JMJD1C: variants seen among roughly 807,000 people sequenced by gnomAD.
JMJD1C encodes the protein jumonji domain-containing protein 1C.
JMJD1C carries 31 observed loss-of-function variants against 245.3 expected under a neutral mutation model. The observed-to-expected ratio is 0.13, with a 90% CI of 0.09 to 0.17. The LOEUF is 0.17. Ranked by LOEUF, JMJD1C falls within the 10% of genes least tolerant of loss-of-function variation. JMJD1C has a pLI of 1.00. For missense variants in JMJD1C, 2,691 were observed against 3,000.2 expected, an observed-to-expected ratio of 0.90 and a Z score of 2.41; for synonymous variants, 1,057 against 1,017.4, an observed-to-expected ratio of 1.04 and a Z score of -0.74.
chr10:63,464,677 G>A (rs1182212846), intron 1 of JMJD1C, among the ~76,000 whole-genome samples: 1 of 147,906 alleles, frequency 6.8e-6, no homozygotes, highest in Non-Finnish European at 1.5e-5. Context: ...GAAAGCACTG[G>A]CAGCGTCACA....
intron 1 of JMJD1C, among the ~76,000 whole-genome samples, chr10:63,446,935 TAG>T (rs1207814832): frequency 6.6e-6 from 1 of 152,138 alleles, no homozygotes; most frequent in Non-Finnish European, 1.5e-5. Context: ...CCTTACAAAC[TAG>T]AGATTCCAGT....
intron 24 of JMJD1C, among the ~76,000 whole-genome samples, chr10:63,173,241 G>A (rs547632814): frequency 2.0e-5 from 3 of 152,166 alleles, no homozygotes; most frequent in South Asian, 2.1e-4. Flanking sequence ...ATTGAACCTC[G>A]CTCCATACTA....
At chr10:63,248,696 T>C (rs1038818486) in intron 3 of JMJD1C, among the ~76,000 whole-genome samples, 1 of 152,072 alleles carries the variant, frequency 6.6e-6, no homozygotes, top group Non-Finnish European at 1.5e-5. Context: ...ACTAAAAATA[T>C]AACTATGATC....
rs148213069 is a variant in JMJD1C, at chr10:63,463,551, G to C, written c.168+1944C>G. Among the ~76,000 whole-genome samples, 1,315 of 152,178 alleles carry C rather than the reference G, an allele frequency of 8.6e-3. 11 individuals carry two copies. The highest frequency in any genetic ancestry group is 0.044 in the Middle Eastern group (13 of 294). On this transcript the variant is annotated intron_variant, in intron 1 of 25. Coordinates refer to ENST00000399262, the MANE Select transcript of JMJD1C (RefSeq NM_032776.3). ...TTATGTTAATGCTAAACTGTTCCAA[G>C]TTTCGTTTAAGAAATGTGAATGTAA...
intron 2 of JMJD1C, among the ~76,000 whole-genome samples, chr10:63,317,153 G>A (rs1940183307): frequency 6.6e-6 from 1 of 151,940 alleles, no homozygotes; most frequent in African/African-American, 2.4e-5. Flanking sequence ...GAGACACCAT[G>A]CCCAGTCAGC....
chr10:63,251,710 CT>C (rs1330079772), intron 3 of JMJD1C, among the ~76,000 whole-genome samples: 1 of 152,212 alleles, frequency 6.6e-6, no homozygotes, highest in African/African-American at 2.4e-5. Flanking sequence ...CACATAAATA[CT>C]TTGCTGTCTG....
chr10:63,521,619 A>AG, intron 1 of JMJD1C: 1 of 1,355,590 alleles, frequency 7.4e-7, no homozygotes, highest in South Asian at 1.6e-5. Context: ...CGCGAGGCCC[A>AG]GGGGAGCTGT....
At chr10:63,416,347 T>TG (rs1330146066) in intron 1 of JMJD1C, among the ~76,000 whole-genome samples, 3 of 150,540 alleles carry the variant, frequency 2.0e-5, no homozygotes, top group Admixed American at 1.3e-4. Flanking sequence ...TTATCTTAGT[T>TG]TTTTTTTTTT....
At chr10:63,332,879 G>T (rs569060239) in intron 2 of JMJD1C, among the ~76,000 whole-genome samples, 33 of 152,278 alleles carry the variant, frequency 2.2e-4, no homozygotes, top group African/African-American at 7.7e-4. Context: ...TCTATCACGT[G>T]AAAGGCTTAG....
At chr10:63,520,144 A>G (rs1295975485) in intron 1 of JMJD1C, among the ~76,000 whole-genome samples, 1 of 152,232 alleles carries the variant, frequency 6.6e-6, no homozygotes, top group Admixed American at 6.5e-5. Context: ...TTATTGACTG[A>G]GAACTGAAAA....
intron 1 of JMJD1C, among the ~76,000 whole-genome samples, chr10:63,425,777 G>A (rs1047110815): frequency 2.0e-5 from 3 of 152,098 alleles, no homozygotes; most frequent in African/African-American, 7.2e-5. Flanking sequence ...GCAACACCCT[G>A]TTTCAAAATA....
intron 2 of JMJD1C, among the ~76,000 whole-genome samples, chr10:63,322,571 T>C (rs1433958089): frequency 6.6e-6 from 1 of 152,092 alleles, no homozygotes; most frequent in Non-Finnish European, 1.5e-5. Flanking sequence ...TCCCAGCACT[T>C]TGGGAGGCCG....
At position 63,206,974 on chromosome 10, in the gene JMJD1C, A is replaced by T. The variant is rs1163608474; in HGVS notation, c.4695T>A (p.Thr1565=). 1 of 1,611,338 alleles carries T rather than the reference A, an allele frequency of 6.2e-7. No individual in the cohort carries two copies. The highest frequency in any genetic ancestry group is 2.2e-5 in the East Asian group (1 of 44,880). The change falls in exon 10 of 26, where the codon ACT becomes ACA. Residue 1565 remains threonine (T), a synonymous_variant. Transcript: ENST00000399262. ...AATTCCCTGAATTTTCCATTTTATT[A>T]GTATTTTTATCTTCTTCTGAGTGTC... The part of the protein sequence containing the change: ...LTRHSEEDKN[T]NKMENSGNSV...
intron 2 of JMJD1C, among the ~76,000 whole-genome samples, chr10:63,284,857 TCA>T (rs57860875): frequency 0.036 from 4,894 of 135,258 alleles, 140 homozygotes; most frequent in African/African-American, 0.082. Context: ...CAGGGAAGAT[TCA>T]CACACACACA....
chr10:63,322,510 T>C (rs1940992506), intron 2 of JMJD1C, among the ~76,000 whole-genome samples: 1 of 152,124 alleles, frequency 6.6e-6, no homozygotes. Context: ...TTTACACTTA[T>C]TTGAATTGTT....
chr10:63,433,162 G>A (rs1274242683), intron 1 of JMJD1C, among the ~76,000 whole-genome samples: 1 of 151,776 alleles, frequency 6.6e-6, no homozygotes, highest in Non-Finnish European at 1.5e-5. Context: ...CGCGATCTGG[G>A]CTCACCACAA....
intron 2 of JMJD1C, chr10:63,268,981 C>T: frequency 1.0e-6 from 1 of 985,596 alleles, no homozygotes; most frequent in Non-Finnish European, 1.2e-6. Flanking sequence ...AGGATTACAA[C>T]TCGCTCTTTG....
chr10:63,234,814 T>C (rs1850525003), intron 3 of JMJD1C, among the ~76,000 whole-genome samples: 2 of 151,948 alleles, frequency 1.3e-5, no homozygotes, highest in South Asian at 4.1e-4. Flanking sequence ...GCTATTCTAT[T>C]AGTACGACAT....
Position 63,185,574 on chromosome 10 carries a change from C to T in JMJD1C, c.6819G>A (p.Met2273Ile). 1 of 1,590,132 alleles carries T rather than the reference C, an allele frequency of 6.3e-7. No individual in the cohort carries two copies. The highest frequency in any genetic ancestry group is 8.6e-7 in the Non-Finnish European group (1 of 1,157,892). ...GAAAAGTTTCAAACCTTGCTGGCAT[C>T]ATAGTCTTGAAGTCTTCTCCTGAAG... ...DWPSGEDFKTMMPARYEDLLK... is the reference protein window; with the variant it reads ...DWPSGEDFKTIMPARYEDLLK... Residue 2273 changes from methionine to isoleucine, a missense_variant, in exon 20 of 26, where the codon ATG becomes ATA. Met to Ile is a conservative substitution (Grantham distance 10). Coordinates refer to ENST00000399262, the MANE Select transcript of JMJD1C (RefSeq NM_032776.3).
Sources: allele counts gnomAD v4.1 joint callset (sites outside exome capture counted in the v4.1 genomes callset), GRCh38; gene constraint gnomAD v4.1.1; transcripts MANE v1.5; gene names NCBI Gene and HGNC (gene_info 2026-07-23, HGNC 2026-07-21).